Variants in ZYG11B observed in about 807,000 individuals in gnomAD.
ZYG11B encodes zyg-11 family member B, cell cycle regulator.
ZYG11B carries 36 observed loss-of-function variants against 82.4 expected under a neutral mutation model. The ratio of observed to expected loss-of-function variants is 0.44; its 90% CI spans 0.33 to 0.58. The LOEUF (loss-of-function observed/expected upper bound fraction) is 0.58. Among genes scored for constraint, ZYG11B ranks in the 20% least tolerant of loss-of-function variants. ZYG11B has a pLI of 0.02. For missense variants in ZYG11B, 552 were observed against 895.6 expected (o/e 0.62, Z 4.90); for synonymous variants, 303 against 312.8 (o/e 0.97, Z 0.33).
intron 11 of ZYG11B, 23 bp from the exon 12 acceptor site, chr1:52,813,837 C>T: frequency 6.2e-7 from 1 of 1,613,972 alleles, no homozygotes; most frequent in East Asian, 2.2e-5. Flanking sequence ...GTAATCCTTT[C>T]TTGTGTGTCT....
rs567998828 is a variant in ZYG11B, at chr1:52,734,810, C to T, written c.30+8127C>T. 9.4e-4 allele frequency among the ~76,000 whole-genome samples: 143 copies of T among 152,120 alleles called. 1 individual carries two copies. Among genetic ancestry groups the T allele is most frequent in the African/African-American group, 3.1e-3 (127 of 41,532 alleles). On this transcript the variant is annotated intron_variant, in intron 1 of 13. Transcript: ENST00000294353. ...ATGGTGCAATCTGGGCTCAACACAACGTCCACCTCCCGGGTTCAAACGATT... is the reference window on the plus strand; with the variant it reads ...ATGGTGCAATCTGGGCTCAACACAATGTCCACCTCCCGGGTTCAAACGATT...
intron 1 of ZYG11B, among the ~76,000 whole-genome samples, chr1:52,734,778 G>T (rs1397356463): frequency 6.6e-6 from 1 of 151,946 alleles, no homozygotes; most frequent in African/African-American, 2.4e-5. Context: ...GCCCAGGTTG[G>T]AGTGCAATGG....
At chr1:52,755,319 G>GT (rs1388453740) in intron 1 of ZYG11B, among the ~76,000 whole-genome samples, 3 of 152,116 alleles carry the variant, frequency 2.0e-5, no homozygotes, top group African/African-American at 7.2e-5. Flanking sequence ...GACCACGAAT[G>GT]TAAGAGTTTA....
intron 5 of ZYG11B, 88 bp from the exon 6 acceptor site, chr1:52,789,914 TC>T (rs1644942419): frequency 1.1e-6 from 1 of 897,174 alleles, no homozygotes; most frequent in Non-Finnish European, 1.6e-6. Context: ...TCAGTCTTCT[TC>T]TTTTTTTTTT....
intron 2 of ZYG11B, among the ~76,000 whole-genome samples, chr1:52,768,045 G>T (rs923900375): frequency 1.3e-5 from 2 of 152,190 alleles, no homozygotes; most frequent in Non-Finnish European, 2.9e-5. Context: ...AGTAATTACA[G>T]CCTGGCAGGG....
intron 13 of ZYG11B, among the ~76,000 whole-genome samples, chr1:52,819,593 C>G (rs1645264748): frequency 6.6e-6 from 1 of 151,928 alleles, no homozygotes; most frequent in African/African-American, 2.4e-5. Flanking sequence ...CGAGACCATC[C>G]TGGCTAACAT....
In ZYG11B at chr1:52,811,044, A is replaced by C. The variant is rs1014371993; in HGVS notation, c.1696-2492A>C. Among the ~76,000 whole-genome samples, 14 of 103,390 alleles carry C rather than the reference A, an allele frequency of 1.4e-4. 1 individual carries two copies. The highest frequency in any genetic ancestry group is 7.3e-4 in the African/African-American group (14 of 19,060). 67.8% of individuals were successfully genotyped at this position (103,390 alleles called of 152,430 possible). ...GCAAGGCTCCGTCTCAAAAAAAAAA[A>C]AAAAAAAAGAGAAATTTATCTTTCA... On this transcript the variant is annotated intron_variant, in intron 10 of 13. Transcript: ENST00000294353.
rs894195172 is a variant in ZYG11B, at chr1:52,823,645, T to A, written c.*2016T>A. 6.6e-6 allele frequency: 1 copy of A among 151,920 alleles called. No homozygotes were observed. Among genetic ancestry groups the A allele is most frequent in the African/African-American group, 2.4e-5 (1 of 41,252 alleles). The allele number at this position is 151,920 out of a possible 1,614,324, so 9.4% of individuals were successfully genotyped here. On this transcript the variant is annotated 3_prime_UTR_variant, in exon 14 of 14. Coordinates refer to ENST00000294353, the MANE Select transcript of ZYG11B (RefSeq NM_024646.3). Reference sequence around the variant, plus strand: ...TTTCCAGGTCTTTTATCTAGTGTAGTTAAGGGAAAGCCTATTTAAGAAGTT... The same window carrying A: ...TTTCCAGGTCTTTTATCTAGTGTAGATAAGGGAAAGCCTATTTAAGAAGTT...
chr1:52,791,271 T>C (rs899438074), intron 6 of ZYG11B, among the ~76,000 whole-genome samples: 18 of 151,072 alleles, frequency 1.2e-4, no homozygotes, highest in Non-Finnish European at 2.5e-4. Flanking sequence ...CCATGCCCAG[T>C]CTTAAAATAT....
intron 13 of ZYG11B, 107 bp from the exon 14 acceptor site, chr1:52,821,332 G>GC: frequency 8.6e-7 from 1 of 1,156,596 alleles, no homozygotes; most frequent in African/African-American, 1.6e-5. Flanking sequence ...TAACAAAACA[G>GC]CTAAAAAAAA....
intron 10 of ZYG11B, among the ~76,000 whole-genome samples, chr1:52,806,430 CTG>C (rs1437414037): frequency 2.6e-5 from 4 of 152,172 alleles, no homozygotes; most frequent in African/African-American, 7.2e-5. Flanking sequence ...AAATCTCTGA[CTG>C]TAATTGTAGA....
chr1:52,774,442 G>A (rs770624812), intron 3 of ZYG11B, among the ~76,000 whole-genome samples: 35 of 151,690 alleles, frequency 2.3e-4, no homozygotes, highest in Non-Finnish European at 4.3e-4. Context: ...TGAGTAGCTG[G>A]GATTACAGGT....
intron 6 of ZYG11B, among the ~76,000 whole-genome samples, chr1:52,793,987 G>GT (rs1218716252): frequency 7.5e-6 from 1 of 134,144 alleles, no homozygotes; most frequent in Non-Finnish European, 1.6e-5. Flanking sequence ...TTTCTTCTTC[G>GT]TTTTTTGAGA....
rs72895405 is a variant in ZYG11B, at chr1:52,799,954, G to A, written c.1486-1865G>A. ...TTTTGGGCAAATCACAGTTTTCTTT[G>A]GGGTGATAAAAAGGACTTAATACAG... On this transcript the variant is annotated intron_variant, in intron 8 of 13. Coordinates refer to ENST00000294353, the MANE Select transcript of ZYG11B (RefSeq NM_024646.3). Among the ~76,000 whole-genome samples, 377 of 152,100 alleles carry A rather than the reference G, an allele frequency of 2.5e-3. 1 individual carries two copies. The highest frequency in any genetic ancestry group is 8.6e-3 in the African/African-American group (356 of 41,498).
intron 10 of ZYG11B, among the ~76,000 whole-genome samples, chr1:52,813,035 G>T (rs552022107): frequency 2.6e-5 from 4 of 152,010 alleles, no homozygotes; most frequent in African/African-American, 9.7e-5. Context: ...TTTACCCTAC[G>T]GTTCATATAT....
At chr1:52,734,293 C>T (rs1252874614) in intron 1 of ZYG11B, among the ~76,000 whole-genome samples, 3 of 152,002 alleles carry the variant, frequency 2.0e-5, no homozygotes, top group Non-Finnish European at 4.4e-5. Flanking sequence ...GCCCGGCAGA[C>T]ATCAATATTG....
At position 52,780,021 on chromosome 1, in the gene ZYG11B, T is replaced by A. The variant is rs765435803; in HGVS notation, c.1092+28T>A. 1.7e-5 allele frequency: 28 copies of A among 1,600,642 alleles called. No individual in the cohort carries two copies. The Admixed American group carries it at 5.0e-4, about 28-fold the overall frequency. On this transcript the variant is annotated intron_variant, in intron 4 of 13. Coordinates refer to ENST00000294353, the MANE Select transcript of ZYG11B (RefSeq NM_024646.3). Reference sequence around the variant, plus strand: ...AAGAATAAGAAACTGGATATGAAATTTTTGAAATGATCTCCCTGGGCAGAT... The same window carrying A: ...AAGAATAAGAAACTGGATATGAAATATTTGAAATGATCTCCCTGGGCAGAT...
chr1:52,740,448 G>A (rs1644414174), intron 1 of ZYG11B, among the ~76,000 whole-genome samples: 1 of 151,934 alleles, frequency 6.6e-6, no homozygotes, highest in African/African-American at 2.4e-5. Flanking sequence ...AGAGTAGTTG[G>A]TGTTCTTTTA....
rs372833121 is a variant in ZYG11B at position 52,778,090 on chromosome 1, A to G, written c.952-1763A>G. 1.2e-3 allele frequency among the ~76,000 whole-genome samples: 184 copies of G among 152,318 alleles called. 2 individuals are homozygous for G. Among genetic ancestry groups the G allele is most frequent in the African/African-American group, 4.2e-3 (173 of 41,580 alleles). On this transcript the variant is annotated intron_variant, in intron 3 of 13. Transcript: ENST00000294353. Reference sequence around the variant, plus strand: ...CAGGCGCGAGCCACTACACCCAACCATGTCCTTTCATTTCTTTATAATTTT... The same window carrying G: ...CAGGCGCGAGCCACTACACCCAACCGTGTCCTTTCATTTCTTTATAATTTT...
Sources: gnomAD v4.1 joint callset for allele counts (sites outside exome capture counted in the v4.1 genomes callset) on GRCh38, gnomAD v4.1.1 for gene constraint, MANE v1.5 for transcripts, NCBI Gene and HGNC (gene_info 2026-07-23, HGNC 2026-07-21) for gene names.